LIG1: variants seen among roughly 807,000 people sequenced by gnomAD.
LIG1 encodes DNA ligase 1.
In LIG1, 70 loss-of-function variants were observed where a neutral mutation model predicts 115.7. That is an observed-to-expected ratio of 0.60 (90% CI 0.50 to 0.74). The LOEUF (loss-of-function observed/expected upper bound fraction) is 0.74, where lower values mean the gene tolerates loss of function less well. LIG1 is among the 30% of genes least tolerant of loss of function. The pLI, the probability that LIG1 is intolerant of heterozygous loss-of-function variation, is 0.00. For synonymous variants in LIG1, 487 were observed against 495.3 expected, an observed-to-expected ratio of 0.98 and a Z score of 0.22; for missense variants, 1,115 against 1,225.6, an observed-to-expected ratio of 0.91 and a Z score of 1.35.
intron 3 of LIG1, 96 bp downstream of exon 3, chr19:48,162,166 C>T: frequency 8.2e-7 from 1 of 1,225,586 alleles, no homozygotes. Flanking sequence ...GTTTTTTGGG[C>T]CCCAAGACAT....
intron 17 of LIG1, chr19:48,133,367 C>T: frequency 2.0e-6 from 1 of 488,752 alleles, no homozygotes; most frequent in Middle Eastern, 5.6e-4. Flanking sequence ...GGTTGCCTCC[C>T]CTCCCTCCTC....
intron 2 of LIG1, among the ~76,000 whole-genome samples, chr19:48,164,248 C>T (rs575208775): frequency 7.2e-5 from 11 of 152,074 alleles, no homozygotes; most frequent in African/African-American, 9.7e-5. Context: ...AGAAAGCAAT[C>T]GAAGGCACCA....
At chr19:48,157,973 T>A (rs1170382808) in intron 4 of LIG1, among the ~76,000 whole-genome samples, 1 of 152,188 alleles carries the variant, frequency 6.6e-6, no homozygotes, top group Non-Finnish European at 1.5e-5. Context: ...GAATGGCTTG[T>A]ACCCTCCTTG....
At chr19:48,147,148 T>C (rs1176211381) in intron 9 of LIG1, 1 of 152,232 alleles carries the variant, frequency 6.6e-6, no homozygotes, top group Non-Finnish European at 1.5e-5. Context: ...GTTTCATTTG[T>C]AGAGGCGTGA....
chr19:48,145,366 A>G (rs568850299), intron 9 of LIG1, among the ~76,000 whole-genome samples: 27 of 152,304 alleles, frequency 1.8e-4, no homozygotes, highest in African/African-American at 6.3e-4. Flanking sequence ...AGGGGTCCCT[A>G]CTATGACAGG....
chr19:48,133,130 G>C (rs1455823585), intron 17 of LIG1, 33 bp from the exon 18 acceptor site: 1 of 1,342,774 alleles, frequency 7.4e-7, no homozygotes, highest in Non-Finnish European at 1.1e-6. Flanking sequence ...TAGAGGAGAG[G>C]GAAGGCAATG....
chr19:48,144,855 GTGAT>G (rs944303510), intron 9 of LIG1, among the ~76,000 whole-genome samples: 13 of 152,118 alleles, frequency 8.5e-5, no homozygotes, highest in Non-Finnish European at 1.9e-4. Context: ...GGGGCACAGA[GTGAT>G]TAACTCACCC....
chr19:48,130,045 T>C (rs2033916276), intron 19 of LIG1, among the ~76,000 whole-genome samples: 1 of 152,236 alleles, frequency 6.6e-6, no homozygotes, highest in South Asian at 2.1e-4. Flanking sequence ...CGTGGGCCAC[T>C]GCGCCCAGCG....
At chr19:48,151,547 A>C (rs1599843521) in intron 6 of LIG1, among the ~76,000 whole-genome samples, 1 of 152,186 alleles carries the variant, frequency 6.6e-6, no homozygotes, top group Non-Finnish European at 1.5e-5. Context: ...CTCCTGCCTC[A>C]GCCTCCCGAG....
At chr19:48,139,850 A>G in intron 12 of LIG1, 121 bp downstream of exon 12, 1 of 1,178,024 alleles carries the variant, frequency 8.5e-7, no homozygotes, top group African/African-American at 1.5e-5. Flanking sequence ...CCTCCCTCTC[A>G]GCCTTCTCCT....
Position 48,115,590 on chromosome 19 carries a change from A to AT in LIG1, c.*58_*59insA. On this transcript the variant is annotated 3_prime_UTR_variant, in exon 28 of 28. Transcript: ENST00000263274. ...AGATTTGCTAAAAAGCAAAGGCAATAATAACCCTGGGGTCCGTCCAACTCA... is the reference window on the plus strand; with the variant it reads ...AGATTTGCTAAAAAGCAAAGGCAATATATAACCCTGGGGTCCGTCCAACTCA... The AT allele has an allele frequency of 6.2e-6, 8 of 1,296,464 alleles. No individual in the cohort carries two copies. The highest frequency in any genetic ancestry group is 9.0e-6 in the Non-Finnish European group (8 of 892,934). The allele number at this position is 1,296,464 out of a possible 1,614,324, so 80.3% of individuals were successfully genotyped here. A position where few individuals can be genotyped will look rare whatever the true frequency, so the allele number is the denominator to read the frequency against.
chr19:48,129,130 G>A (rs1173630167), intron 19 of LIG1, among the ~76,000 whole-genome samples: 1 of 152,018 alleles, frequency 6.6e-6, no homozygotes, highest in Non-Finnish European at 1.5e-5. Flanking sequence ...TCCGCTCAGT[G>A]CAGCCTCTGC....
intron 11 of LIG1, among the ~76,000 whole-genome samples, chr19:48,140,474 G>C (rs1285731994): frequency 6.6e-5 from 10 of 152,204 alleles, no homozygotes; most frequent in Non-Finnish European, 1.5e-4. Flanking sequence ...TTTGGTTCGT[G>C]GCTTGACTCT....
In LIG1 at chr19:48,143,979, G is replaced by A. The variant is rs368993465; in HGVS notation, c.777-16C>T. ...ATCCAGGGGTCTACGGAGGCAAAAC[G>A]GAGATTGAATTGCATAGAGCCCTGG... On this transcript the variant is annotated splice_polypyrimidine_tract_variant and intron_variant, in intron 9 of 27. Transcript: ENST00000263274. The A allele has an allele frequency of 5.6e-5, 89 of 1,596,810 alleles. No individual in the cohort carries two copies. The highest frequency in any genetic ancestry group is 1.6e-4 in the Middle Eastern group (1 of 6,062).
Position 48,137,721 on chromosome 19 carries a change from GGT to G in LIG1, c.1088-35_1088-34del. The G allele has an allele frequency of 6.3e-7, 1 of 1,599,130 alleles. No homozygotes were observed. The highest frequency in any genetic ancestry group is 1.1e-5 in the South Asian group (1 of 90,984). On this transcript the variant is annotated intron_variant, in intron 12 of 27. Transcript: ENST00000263274. This position sits in a 1 kb window ranked among gnomAD's most constrained non-coding sequence, Gnocchi z 4.3. The stretch of plus-strand genomic sequence containing the variant: ...GGAGAGCGCGGGTGGGGGTGTCGAG[GGT>G]GACAGTTGTGGCTGCGTGTCTCCCT...
rs1330542294 is a variant in LIG1 at position 48,151,311 on chromosome 19, T to C, written c.495A>G (p.Thr165=). ...CCTTCTCTGTGGCCACTTCAGCCTC[T>C]GTGAGGCTTTCTTTCGGGGTCTCCT... ...EEEETPKESL[T]EAEVATEKEG... Residue 165 remains threonine (T), a synonymous_variant, in exon 7 of 28, where the codon ACA becomes ACG. Transcript: ENST00000263274. 1.2e-6 allele frequency: 2 copies of C among 1,613,304 alleles called. No individual in the cohort carries two copies. Among genetic ancestry groups the C allele is most frequent in the South Asian group, 2.2e-5 (2 of 91,056 alleles).
chr19:48,150,210 T>C lies in LIG1; in HGVS notation c.575A>G (p.Lys192Arg), dbSNP rs766614907. 2 of 1,614,054 alleles carry C rather than the reference T, an allele frequency of 1.2e-6. No homozygotes were observed. Among genetic ancestry groups the C allele is most frequent in the South Asian group, 1.1e-5 (1 of 91,092 alleles). The change falls in exon 8 of 28, where the codon AAA becomes AGA. Residue 192 changes from lysine to arginine, a missense_variant and splice_region_variant. By Grantham distance (26) the Lys-to-Arg change is conservative. Transcript: ENST00000263274. Reference protein sequence around the residue: ...TTPPKPLKTSKAETPTESVSE... With the variant: ...TTPPKPLKTSRAETPTESVSE... ...AACGCTTTCCGTCGGGGTCTCTGCT[T>C]CTGCGGTGAGAGAGCTCAGACGGTG...
At chr19:48,158,267 C>T (rs1275340086) in intron 4 of LIG1, among the ~76,000 whole-genome samples, 1 of 152,152 alleles carries the variant, frequency 6.6e-6, no homozygotes, top group Non-Finnish European at 1.5e-5. Context: ...ATAACATCCA[C>T]TTAATGTTGA....
intron 26 of LIG1, among the ~76,000 whole-genome samples, chr19:48,117,229 G>A (rs1039838915): frequency 4.6e-5 from 7 of 150,974 alleles, no homozygotes; most frequent in African/African-American, 9.8e-5. Flanking sequence ...GTGTGATCTC[G>A]GCTCACTGCA....
Sources: allele counts gnomAD v4.1 joint callset (sites outside exome capture counted in the v4.1 genomes callset), GRCh38; gene constraint gnomAD v4.1.1; non-coding constraint Gnocchi (gnomAD v3.1); transcripts MANE v1.5; gene names NCBI Gene and HGNC (gene_info 2026-07-23, HGNC 2026-07-21).